The following UBE2W variants were observed in gnomAD, a reference collection of about 807,000 sequenced individuals.
The protein encoded by UBE2W is ubiquitin conjugating enzyme E2 W.
Under a neutral mutation model 27.2 loss-of-function variants are expected in UBE2W, and 18 were observed. The observed-to-expected ratio is 0.66, with a 90% CI of 0.46 to 0.98. UBE2W has a LOEUF of 0.98. UBE2W is among the 50% of genes least tolerant of loss of function. UBE2W has a pLI of 0.00. For synonymous variants in UBE2W, 53 were observed against 57.2 expected, an observed-to-expected ratio of 0.93 and a Z score of 0.33; for missense variants, 90 against 180.2, an observed-to-expected ratio of 0.50 and a Z score of 2.87.
intron 3 of UBE2W, among the ~76,000 whole-genome samples, chr8:73,813,327 A>G (rs1809253446): frequency 6.6e-6 from 1 of 152,244 alleles, no homozygotes; most frequent in Non-Finnish European, 1.5e-5. Flanking sequence ...AAGAGAAAGA[A>G]AAGCGATGAG....
rs1254426325 is a variant in UBE2W, at chr8:73,793,739, C to T, written c.*363G>A. Reference sequence around the variant, plus strand: ...TTAATGAAAACTTTTCCTGTTACAACGCCCATTGCCGGCAATGAACGTACC... The same window carrying T: ...TTAATGAAAACTTTTCCTGTTACAATGCCCATTGCCGGCAATGAACGTACC... On this transcript the variant is annotated 3_prime_UTR_variant, in exon 6 of 6. Transcript: ENST00000602593. The T allele has an allele frequency of 2.0e-5, 20 of 1,016,892 alleles. 1 individual carries two copies. The highest frequency in any genetic ancestry group is 1.1e-4 in the Admixed American group (2 of 17,396). 63.0% of individuals were successfully genotyped at this position (1,016,892 alleles called of 1,614,324 possible).
At chr8:73,806,630 T>C (rs1808920456) in intron 4 of UBE2W, among the ~76,000 whole-genome samples, 1 of 151,106 alleles carries the variant, frequency 6.6e-6, no homozygotes, top group East Asian at 1.9e-4. Flanking sequence ...GAGAATGGCG[T>C]GAGACTGGGA....
At chr8:73,842,410 T>C (rs942569543) in intron 1 of UBE2W, among the ~76,000 whole-genome samples, 4 of 151,384 alleles carry the variant, frequency 2.6e-5, no homozygotes, top group Admixed American at 2.6e-4. Context: ...GCGCCTGTAG[T>C]CCCAGCTATT....
chr8:73,851,832 G>C (rs568813776), intron 1 of UBE2W, among the ~76,000 whole-genome samples: 3 of 97,396 alleles, frequency 3.1e-5, no homozygotes, highest in South Asian at 2.6e-4. Context: ...TATTAGTCTG[G>C]ATCAATGACA....
At chr8:73,853,450 GGGTCTT>G (rs1378513267) in intron 1 of UBE2W, among the ~76,000 whole-genome samples, 48 of 152,128 alleles carry the variant, frequency 3.2e-4, no homozygotes, top group Non-Finnish European at 5.4e-4. Context: ...TATAGAGACA[GGGTCTT>G]GCTATATTGC....
intron 5 of UBE2W, among the ~76,000 whole-genome samples, 179 bp downstream of exon 5, chr8:73,805,472 C>CAAAAAAAAAAAAAAAACAAAACAAAA: frequency 9.2e-5 from 4 of 43,674 alleles, no homozygotes; most frequent in Non-Finnish European, 1.5e-4. Flanking sequence ...AAAAAAAAAA[C>CAAAAAAAAAAAAAAAACAAAACAAAA]AAAAAAAACT....
chr8:73,834,043 G>GTC (rs1181369327), intron 1 of UBE2W: 4 of 152,184 alleles, frequency 2.6e-5, no homozygotes, highest in Admixed American at 6.5e-5. Context: ...TACACCCAGC[G>GTC]TAAGTCTTTT....
downstream of UBE2W, among the ~76,000 whole-genome samples, chr8:73,785,315 T>G (rs1364464250): frequency 1.3e-5 from 2 of 152,028 alleles, no homozygotes; most frequent in African/African-American, 4.8e-5. Flanking sequence ...CCAGCTTTTT[T>G]GTATTTTTAG....
At chr8:73,848,222 AAAT>A (rs1250349527) in intron 1 of UBE2W, among the ~76,000 whole-genome samples, 1 of 152,206 alleles carries the variant, frequency 6.6e-6, no homozygotes, top group Non-Finnish European at 1.5e-5. Flanking sequence ...ATAAATAAAT[AAAT>A]AATTGGTAAA....
At chr8:73,868,876 T>C (rs1445579592) in intron 1 of UBE2W, among the ~76,000 whole-genome samples, 2 of 152,120 alleles carry the variant, frequency 1.3e-5, no homozygotes, top group African/African-American at 4.8e-5. Context: ...ACATGCAAGG[T>C]ATATTAACAA....
chr8:73,854,143 C>T (rs974711019), intron 1 of UBE2W, among the ~76,000 whole-genome samples: 5 of 151,530 alleles, frequency 3.3e-5, no homozygotes, highest in East Asian at 3.9e-4. Flanking sequence ...CATGAAACTC[C>T]GTCTCAAAAA....
chr8:73,860,572 G>T (rs1811497419), intron 1 of UBE2W, among the ~76,000 whole-genome samples: 1 of 152,112 alleles, frequency 6.6e-6, no homozygotes, highest in African/African-American at 2.4e-5. Context: ...TACGAAAGAG[G>T]TAAAACATGA....
intron 1 of UBE2W, among the ~76,000 whole-genome samples, chr8:73,878,192 G>A (rs1812316524): frequency 6.6e-6 from 1 of 152,210 alleles, no homozygotes; most frequent in South Asian, 2.1e-4. Flanking sequence ...AGGAATGTCC[G>A]CGAGAATACC....
intron 1 of UBE2W, among the ~76,000 whole-genome samples, chr8:73,876,685 T>C (rs1330497616): frequency 6.6e-6 from 1 of 152,184 alleles, no homozygotes; most frequent in Non-Finnish European, 1.5e-5. Context: ...AGACATCATG[T>C]AGGCCAGGCA....
chr8:73,805,460 A>AAAAACAAAAAACAAAAC (rs1808843041), intron 5 of UBE2W, among the ~76,000 whole-genome samples, 191 bp downstream of exon 5: 1 of 116,346 alleles, frequency 8.6e-6, no homozygotes, highest in Non-Finnish European at 1.7e-5. Context: ...ATCTCAAAAA[A>AAAAACAAAAAACAAAAC]AAAAAAAAAA....
chr8:73,870,827 GA>G (rs60577226), intron 1 of UBE2W, among the ~76,000 whole-genome samples: 44,243 of 99,788 alleles, frequency 0.44, 7,594 homozygotes, highest in South Asian at 0.61. Flanking sequence ...TGAGTGAAAA[GA>G]AAAAAAAAAA....
chr8:73,878,271 G>C (rs1812321129), intron 1 of UBE2W, among the ~76,000 whole-genome samples: 1 of 152,214 alleles, frequency 6.6e-6, no homozygotes, highest in South Asian at 2.1e-4. Flanking sequence ...GAGAGGGACG[G>C]GGCCGAGCAG....
chr8:73,791,959 A>C lies in UBE2W; in HGVS notation c.*2143T>G. On this transcript the variant is annotated 3_prime_UTR_variant, in exon 6 of 6. Coordinates refer to ENST00000602593, the MANE Select transcript of UBE2W (RefSeq NM_018299.6). ...TATAGTATAGCATTGTTAATCTTTG[A>C]CTCAGTATATTAATTCCTTTGGTGA... The C allele has an allele frequency of 1.0e-6, 1 of 985,170 alleles. No individual in the cohort carries two copies. The highest frequency in any genetic ancestry group is 1.2e-6 in the Non-Finnish European group (1 of 829,746). The allele number at this position is 985,170 out of a possible 1,614,324, so 61.0% of individuals were successfully genotyped here.
intron 2 of UBE2W, among the ~76,000 whole-genome samples, chr8:73,825,799 AAAAT>A (rs1809812532): frequency 6.6e-6 from 1 of 152,198 alleles, no homozygotes; most frequent in Non-Finnish European, 1.5e-5. Flanking sequence ...AGACTGTCTC[AAAAT>A]AAACAAACAA....
Sources: gnomAD v4.1 joint callset for allele counts (sites outside exome capture counted in the v4.1 genomes callset) on GRCh38, gnomAD v4.1.1 for gene constraint, MANE v1.5 for transcripts, NCBI Gene and HGNC (gene_info 2026-07-23, HGNC 2026-07-21) for gene names.